DMD: variants seen among roughly 807,000 people sequenced by gnomAD.
DMD encodes mutant dystrophin.
In DMD, 63 loss-of-function variants were observed where a neutral mutation model predicts 330.1. That is an observed-to-expected ratio of 0.19 (90% CI 0.16 to 0.24). The LOEUF is 0.24. DMD is among the 10% of genes least tolerant of loss of function. The probability of loss-of-function intolerance (pLI) is 1.00; values close to 1 mark genes in which losing one functional copy is unlikely to be tolerated. For synonymous variants in DMD, 1,223 were observed against 959.8 expected (o/e 1.27, Z -5.07); for missense variants, 3,344 against 2,684.1 (o/e 1.25, Z -5.43).
At chrX:31,997,243 C>T (rs1244765741) in intron 44 of DMD, among the ~76,000 whole-genome samples, 2 of 110,820 alleles carry the variant, frequency 1.8e-5, no homozygotes, top group South Asian at 3.8e-4. Context: ...TTATGATCTT[C>T]GTCTATAAAA....
At chrX:32,511,627 C>G (rs966368722) in intron 18 of DMD, among the ~76,000 whole-genome samples, 1 of 108,919 alleles carries the variant, frequency 9.2e-6, no homozygotes, top group Non-Finnish European at 1.9e-5. Flanking sequence ...CTACAATTAC[C>G]TCCTCGAAAT....
At chrX:32,178,830 G>GGTGTGTGGGTGT (rs1557193961) in intron 44 of DMD, among the ~76,000 whole-genome samples, 3 of 99,176 alleles carry the variant, frequency 3.0e-5, no homozygotes, top group Admixed American at 2.2e-4. Flanking sequence ...TATTCCAGGG[G>GGTGTGTGGGTGT]GTGTGTGTGT....
intron 60 of DMD, among the ~76,000 whole-genome samples, chrX:31,425,712 G>GCACACACACACACACACACACACACA (rs61365841): frequency 5.1e-5 from 5 of 98,741 alleles, no homozygotes; most frequent in African/African-American, 2.5e-4. Context: ...ACACACACAC[G>GCACACACACACACACACACACACACA]CACACAATAC....
intron 2 of DMD, among the ~76,000 whole-genome samples, chrX:32,986,216 C>A: frequency 9.0e-6 from 1 of 111,318 alleles, no homozygotes; most frequent in Non-Finnish European, 1.9e-5. Context: ...GTTAGTTAAA[C>A]TTGTATTATT....
At chrX:31,242,507 A>C (rs1399259503) in intron 63 of DMD, among the ~76,000 whole-genome samples, 3 of 110,573 alleles carry the variant, frequency 2.7e-5, no homozygotes, top group African/African-American at 9.9e-5. Context: ...TCCTACCTAT[A>C]TAAGGTACCA....
intron 62 of DMD, among the ~76,000 whole-genome samples, chrX:31,306,813 C>A (rs909725541): frequency 9.0e-6 from 1 of 111,520 alleles, no homozygotes; most frequent in African/African-American, 3.3e-5. Context: ...AAGGTGTTCA[C>A]GATGGAACTA....
At chrX:32,944,265 T>C (rs182817888) in intron 2 of DMD, among the ~76,000 whole-genome samples, 105 of 112,607 alleles carry the variant, frequency 9.3e-4, no homozygotes, top group Non-Finnish European at 2.1e-4. Flanking sequence ...TGTACAGATT[T>C]TAAAAATTAT....
At chrX:32,780,433 C>G (rs1477664863) in intron 7 of DMD, among the ~76,000 whole-genome samples, 1 of 112,098 alleles carries the variant, frequency 8.9e-6, no homozygotes, top group African/African-American at 3.2e-5. Context: ...TTACATATTT[C>G]TGAGAACCTT....
intron 52 of DMD, among the ~76,000 whole-genome samples, chrX:31,722,336 G>A (rs764925666): frequency 2.7e-5 from 3 of 110,022 alleles, no homozygotes; most frequent in Non-Finnish European, 5.7e-5. Flanking sequence ...AGCCAGGCTG[G>A]TTTCGAACTC....
At position 32,614,456 on chromosome X, in the gene DMD, GA is replaced by G. The variant is rs2057406296; in HGVS notation, c.1332-4del. The stretch of plus-strand genomic sequence containing the variant: ...GATCCATTAAAACTCTATGTAAACT[GA>G]AAATTTGAAAGAAGCCTATTATGAC... On this transcript the variant is annotated splice_region_variant and splice_polypyrimidine_tract_variant and intron_variant, in intron 11 of 78. Transcript: ENST00000357033. The G allele has an allele frequency of 8.3e-7, 1 of 1,197,881 alleles. No individual in the cohort carries two copies. The highest frequency in any genetic ancestry group is 1.8e-5 in the African/African-American group (1 of 56,521).
At chrX:32,660,981 A>G (rs769667351) in intron 9 of DMD, among the ~76,000 whole-genome samples, 1 of 111,460 alleles carries the variant, frequency 9.0e-6, no homozygotes, top group South Asian at 3.7e-4. Flanking sequence ...ACGCTAATAA[A>G]TAAGAGAGAG....
chrX:33,303,642 T>C (rs2053703609), intron 1 of DMD, among the ~76,000 whole-genome samples: 1 of 111,227 alleles, frequency 9.0e-6, no homozygotes, highest in South Asian at 3.8e-4. Context: ...ATGCTATTCT[T>C]GTGATAGCAA....
intron 60 of DMD, among the ~76,000 whole-genome samples, chrX:31,432,820 A>G (rs1339762596): frequency 2.7e-5 from 3 of 112,388 alleles, no homozygotes; most frequent in Non-Finnish European, 3.8e-5. Flanking sequence ...TTCAAAGTGG[A>G]TATTTTAAAA....
At chrX:33,027,136 C>G (rs1258461044) in intron 1 of DMD, among the ~76,000 whole-genome samples, 1 of 112,216 alleles carries the variant, frequency 8.9e-6, no homozygotes. Flanking sequence ...TAGAATTAGA[C>G]TTTCTAATTA....
chrX:32,938,249 G>T (rs139988184), intron 2 of DMD, among the ~76,000 whole-genome samples: 179 of 111,347 alleles, frequency 1.6e-3, no homozygotes, highest in Non-Finnish European at 2.7e-3. Context: ...ATATGAAAAG[G>T]GTTATCGAAT....
intron 37 of DMD, among the ~76,000 whole-genome samples, chrX:32,351,313 G>A (rs952306189): frequency 1.0e-4 from 11 of 110,444 alleles, no homozygotes; most frequent in Non-Finnish European, 2.1e-4. Context: ...GATATAATGA[G>A]TCTTTATTTT....
chrX:32,212,093 T>C (rs1482970821), intron 44 of DMD, among the ~76,000 whole-genome samples: 2 of 112,117 alleles, frequency 1.8e-5, no homozygotes, highest in Non-Finnish European at 3.8e-5. Flanking sequence ...CTTTCCTTCA[T>C]GGTGTTCAGC....
At chrX:32,867,169 TAAA>T (rs35927892) in intron 2 of DMD, among the ~76,000 whole-genome samples, 3 of 102,379 alleles carry the variant, frequency 2.9e-5, no homozygotes, top group Admixed American at 1.1e-4. Context: ...TTGGAGAAGT[TAAA>T]AAAAAAAAAA....
chrX:31,474,367 T>C (rs759985893), intron 59 of DMD, among the ~76,000 whole-genome samples: 48 of 110,785 alleles, frequency 4.3e-4, no homozygotes, highest in Middle Eastern at 4.6e-3. Flanking sequence ...GGTACTATGA[T>C]AGAGTGTCTA....
Sources: gnomAD v4.1 joint callset for allele counts (sites outside exome capture counted in the v4.1 genomes callset) on GRCh38, gnomAD v4.1.1 for gene constraint, MANE v1.5 for transcripts, NCBI Gene and HGNC (gene_info 2026-07-23, HGNC 2026-07-21) for gene names.